Variants in ARHGAP10 observed in about 807,000 individuals in gnomAD.
The protein encoded by ARHGAP10 is rho GTPase-activating protein 10.
A neutral mutation model predicts 108.6 loss-of-function variants in ARHGAP10; 87 were observed. The ratio of observed to expected loss-of-function variants is 0.80; its 90% CI spans 0.67 to 0.96. ARHGAP10 has a LOEUF of 0.96. ARHGAP10 is among the 40% of genes least tolerant of loss of function. ARHGAP10 has a pLI of 0.00. For missense variants in ARHGAP10, 939 were observed against 954.5 expected, an observed-to-expected ratio of 0.98 and a Z score of 0.21; for synonymous variants, 347 against 341.1, an observed-to-expected ratio of 1.02 and a Z score of -0.19.
At chr4:147,956,186 A>C (rs967218821) in intron 16 of ARHGAP10, among the ~76,000 whole-genome samples, 2 of 152,178 alleles carry the variant, frequency 1.3e-5, no homozygotes, top group Non-Finnish European at 2.9e-5. Flanking sequence ...TCACAGGTGC[A>C]CTGACAGTAG....
intron 13 of ARHGAP10, among the ~76,000 whole-genome samples, chr4:147,933,741 A>G (rs1281750377): frequency 6.6e-6 from 1 of 152,154 alleles, no homozygotes; most frequent in Non-Finnish European, 1.5e-5. Flanking sequence ...TGTGTCTCCC[A>G]GCAGGTCTCT....
At chr4:148,064,528 C>T (rs773762928) in intron 22 of ARHGAP10, 21 bp downstream of exon 22, 17 of 1,599,750 alleles carry the variant, frequency 1.1e-5, no homozygotes, top group Admixed American at 3.3e-5. Context: ...GTGGGAGCTT[C>T]GTCTGTTAAT....
chr4:147,904,860 T>A (rs902506226), intron 10 of ARHGAP10, among the ~76,000 whole-genome samples: 4 of 152,116 alleles, frequency 2.6e-5, no homozygotes, highest in African/African-American at 9.7e-5. Flanking sequence ...AGTGTAAAAG[T>A]GTTCCTATTT....
chr4:147,882,784 A>C (rs1025503933), intron 10 of ARHGAP10, among the ~76,000 whole-genome samples: 1 of 152,236 alleles, frequency 6.6e-6, no homozygotes, highest in African/African-American at 2.4e-5. Flanking sequence ...AATTTTGTTC[A>C]TCAGTATTAC....
chr4:148,002,675 T>G (rs1311558231), intron 18 of ARHGAP10, among the ~76,000 whole-genome samples: 16 of 152,236 alleles, frequency 1.1e-4, no homozygotes, highest in Non-Finnish European at 1.5e-5. Context: ...TATCCATTTC[T>G]TCTAGATTTT....
chr4:147,798,639 T>C (rs1731411986), intron 1 of ARHGAP10, among the ~76,000 whole-genome samples: 1 of 151,310 alleles, frequency 6.6e-6, no homozygotes, highest in Non-Finnish European at 1.5e-5. Flanking sequence ...AGATTAGCCT[T>C]GGCTGGGTGC....
At chr4:147,930,955 G>T (rs1334250093) in intron 13 of ARHGAP10, among the ~76,000 whole-genome samples, 1 of 152,170 alleles carries the variant, frequency 6.6e-6, no homozygotes, top group East Asian at 1.9e-4. Flanking sequence ...GACAGTGGAT[G>T]CCTGCTAGTG....
At chr4:147,870,004 G>C (rs58265111) in intron 7 of ARHGAP10, among the ~76,000 whole-genome samples, 15,960 of 74,692 alleles carry the variant, frequency 0.21, 1,320 homozygotes, top group African/African-American at 0.24. Flanking sequence ...CAGTTTGTGT[G>C]TGTGTGTGTG....
chr4:147,939,695 TC>T, intron 13 of ARHGAP10, 129 bp from the exon 14 acceptor site: 2 of 815,816 alleles, frequency 2.5e-6, no homozygotes, highest in Non-Finnish European at 4.1e-6. Context: ...CTTGATTTTT[TC>T]AAAGGTTATT....
intron 1 of ARHGAP10, among the ~76,000 whole-genome samples, chr4:147,817,723 G>T (rs1320034523): frequency 6.6e-6 from 1 of 152,222 alleles, no homozygotes; most frequent in Non-Finnish European, 1.5e-5. Context: ...TTTGAAGGGT[G>T]CAGGTCACAT....
At chr4:148,019,776 AC>A (rs372976141) in intron 18 of ARHGAP10, among the ~76,000 whole-genome samples, 10 of 151,822 alleles carry the variant, frequency 6.6e-5, no homozygotes, top group Middle Eastern at 3.4e-3. Context: ...AAAAAAAAAA[AC>A]AAAACAAAAA....
chr4:147,741,097 T>C (rs1459586133), intron 1 of ARHGAP10, among the ~76,000 whole-genome samples: 2 of 152,234 alleles, frequency 1.3e-5, no homozygotes, highest in African/African-American at 4.8e-5. Flanking sequence ...TTCAACCTTT[T>C]TTTCCTACAA....
At chr4:148,005,596 G>A (rs1334225950) in intron 18 of ARHGAP10, among the ~76,000 whole-genome samples, 1 of 152,186 alleles carries the variant, frequency 6.6e-6, no homozygotes. Context: ...GTATCTCAGA[G>A]TGTAGAAATA....
intron 18 of ARHGAP10, among the ~76,000 whole-genome samples, chr4:147,978,551 G>A (rs1056574842): frequency 2.6e-5 from 4 of 152,042 alleles, no homozygotes; most frequent in East Asian, 1.9e-4. Flanking sequence ...AAAGTGTGTG[G>A]CACTTCCCCC....
intron 1 of ARHGAP10, among the ~76,000 whole-genome samples, chr4:147,805,233 T>C (rs1205368541): frequency 6.6e-6 from 1 of 152,102 alleles, no homozygotes; most frequent in Non-Finnish European, 1.5e-5. Context: ...GAATAGGGAG[T>C]CCTTTCCCCA....
chr4:147,921,393 T>C (rs1265476901), intron 13 of ARHGAP10, among the ~76,000 whole-genome samples: 1 of 152,190 alleles, frequency 6.6e-6, no homozygotes. Flanking sequence ...CGATTGGGTC[T>C]CTCTGCTTTA....
chr4:147,983,011 G>C, intron 18 of ARHGAP10, among the ~76,000 whole-genome samples: 1 of 151,726 alleles, frequency 6.6e-6, no homozygotes, highest in East Asian at 1.9e-4. Flanking sequence ...CTTCCTAGTA[G>C]CTGGACTCCA....
chr4:148,000,871 T>C lies in ARHGAP10; in HGVS notation c.1717-22392T>C, dbSNP rs531868292. Among the ~76,000 whole-genome samples the C allele has an allele frequency of 3.5e-3, 531 of 152,354 alleles. 3 individuals are homozygous for C. The highest frequency in any genetic ancestry group is 0.012 in the African/African-American group (511 of 41,582). On this transcript the variant is annotated intron_variant, in intron 18 of 22. Transcript: ENST00000336498. The stretch of plus-strand genomic sequence containing the variant: ...ATTGCAAAAATTTTCTCCCATTCTT[T>C]AGGTTGCCTGTTCACTCTGATGGTA...
intron 10 of ARHGAP10, among the ~76,000 whole-genome samples, chr4:147,903,679 A>C (rs115533936): frequency 6.6e-6 from 1 of 152,178 alleles, no homozygotes; most frequent in Non-Finnish European, 1.5e-5. Context: ...GACCTTTTCC[A>C]GAGTGTCATC....
Sources: gnomAD v4.1 joint callset for allele counts (sites outside exome capture counted in the v4.1 genomes callset) on GRCh38, gnomAD v4.1.1 for gene constraint, MANE v1.5 for transcripts, NCBI Gene and HGNC (gene_info 2026-07-23, HGNC 2026-07-21) for gene names.